ADGRL4: variants seen among roughly 807,000 people sequenced by gnomAD.
ADGRL4 encodes the protein EGF, latrophilin and seven transmembrane domain containing 1.
Under a neutral mutation model 74.8 loss-of-function variants are expected in ADGRL4, and 90 were observed. That is an observed-to-expected ratio of 1.20 (90% CI 1.02 to 1.43). ADGRL4 has a LOEUF of 1.43. ADGRL4 is among the 40% of genes most tolerant of loss of function. The pLI is 0.00. For missense variants in ADGRL4, 881 were observed against 814.3 expected, an observed-to-expected ratio of 1.08 and a Z score of -1.00; for synonymous variants, 311 against 279.2, an observed-to-expected ratio of 1.11 and a Z score of -1.14.
chr1:78,890,454 AT>A lies in ADGRL4; in HGVS notation c.*699del, dbSNP rs1168259205. On this transcript the variant is annotated 3_prime_UTR_variant, in exon 15 of 15. Transcript: ENST00000370742. Reference sequence around the variant, plus strand: ...TATCTCAGTCTAACCTTAGAAACAGATTTTTTTCACTTTTTTTTTTTCAATT... The same window carrying A: ...TATCTCAGTCTAACCTTAGAAACAGATTTTTTCACTTTTTTTTTTTCAATT... The A allele has an allele frequency of 2.0e-5, 3 of 146,402 alleles. No individual in the cohort carries two copies. The highest frequency in any genetic ancestry group is 6.8e-5 in the Admixed American group (1 of 14,766). 9.1% of individuals were successfully genotyped at this position (146,402 alleles called of 1,614,324 possible). A position where few individuals can be genotyped will look rare whatever the true frequency, so the allele number is the denominator to read the frequency against.
intron 12 of ADGRL4, 119 bp downstream of exon 12, chr1:78,917,514 TG>T: frequency 1.8e-6 from 1 of 563,694 alleles, no homozygotes. Context: ...TGCTGATAAG[TG>T]ATATACTGTA....
At chr1:79,004,090 T>C (rs1259123455) in intron 2 of ADGRL4, among the ~76,000 whole-genome samples, 1 of 152,108 alleles carries the variant, frequency 6.6e-6, no homozygotes, top group African/African-American at 2.4e-5. Flanking sequence ...AATCACAAGA[T>C]ACAACTTGTT....
intron 10 of ADGRL4, among the ~76,000 whole-genome samples, chr1:78,919,703 T>A (rs945523073): frequency 6.6e-6 from 1 of 151,904 alleles, no homozygotes; most frequent in Non-Finnish European, 1.5e-5. Flanking sequence ...CAATACAATA[T>A]GAAACCTTTT....
At chr1:78,954,379 A>T (rs930863240) in intron 2 of ADGRL4, among the ~76,000 whole-genome samples, 11 of 152,132 alleles carry the variant, frequency 7.2e-5, no homozygotes, top group African/African-American at 2.7e-4. Context: ...CAGGGAAAAA[A>T]GATAAAGTAA....
chr1:78,926,149 A>G (rs1377169282), intron 8 of ADGRL4, among the ~76,000 whole-genome samples: 3 of 152,086 alleles, frequency 2.0e-5, no homozygotes, highest in Non-Finnish European at 4.4e-5. Flanking sequence ...CTCCCATAAT[A>G]ATGCAAATAT....
intron 12 of ADGRL4, among the ~76,000 whole-genome samples, chr1:78,915,591 G>A (rs900815789): frequency 2.6e-5 from 4 of 151,806 alleles, no homozygotes; most frequent in South Asian, 2.1e-4. Flanking sequence ...GCCATCATCC[G>A]CTGAGCTCCC....
At position 78,891,190 on chromosome 1, in the gene ADGRL4, G is replaced by T; in HGVS notation, c.2037C>A (p.Phe679Leu). 1 of 1,610,344 alleles carries T rather than the reference G, an allele frequency of 6.2e-7. No homozygotes were observed. The highest frequency in any genetic ancestry group is 1.1e-5 in the South Asian group (1 of 90,592). Residue 679 changes from phenylalanine (F) to leucine (L), a missense_variant, in exon 15 of 15, where the codon TTC becomes TTA. Physicochemically the swap from Phe to Leu is conservative, Grantham distance 22. Coordinates refer to ENST00000370742, the MANE Select transcript of ADGRL4 (RefSeq NM_022159.4). ...RKIQEEYYRLFKNVPCCFGCL... is the reference protein window; with the variant it reads ...RKIQEEYYRLLKNVPCCFGCL... ...ATCCAAAACAACAGGGGACATTTTTGAACAATCTGTAATATTCTTCTTGAA... is the reference window on the plus strand; with the variant it reads ...ATCCAAAACAACAGGGGACATTTTTTAACAATCTGTAATATTCTTCTTGAA...
intron 2 of ADGRL4, among the ~76,000 whole-genome samples, chr1:78,980,049 A>G (rs1650367781): frequency 6.6e-6 from 1 of 151,960 alleles, no homozygotes; most frequent in African/African-American, 2.4e-5. Flanking sequence ...TAAAATTTAA[A>G]CAAAAGAAGA....
At chr1:78,975,900 C>G (rs1201106615) in intron 2 of ADGRL4, among the ~76,000 whole-genome samples, 1 of 151,598 alleles carries the variant, frequency 6.6e-6, no homozygotes. Context: ...GTAGCAGCAA[C>G]AAAAACAATC....
intron 2 of ADGRL4, among the ~76,000 whole-genome samples, chr1:78,969,189 T>C (rs1383674235): frequency 3.9e-5 from 6 of 152,236 alleles, no homozygotes; most frequent in African/African-American, 1.4e-4. Context: ...ATTTGGAAAC[T>C]ATCTGTGAGT....
At chr1:78,940,325 C>G (rs1217539473) in intron 3 of ADGRL4, among the ~76,000 whole-genome samples, 1 of 152,020 alleles carries the variant, frequency 6.6e-6, no homozygotes. Context: ...CAACTTATTA[C>G]TTTTGTTCAA....
intron 10 of ADGRL4, 113 bp from the exon 11 acceptor site, chr1:78,918,163 G>T (rs917817144): frequency 5.3e-6 from 4 of 760,584 alleles, no homozygotes; most frequent in Non-Finnish European, 6.4e-6. Context: ...TATAAAGTAT[G>T]CCACTTTATA....
intron 2 of ADGRL4, among the ~76,000 whole-genome samples, chr1:78,952,081 T>TAAAAAGA (rs930661780): frequency 2.0e-5 from 3 of 151,738 alleles, no homozygotes; most frequent in Admixed American, 6.6e-5. Context: ...TGGAGAAAAA[T>TAAAAAGA]AAAAAGAAAA....
At chr1:78,892,697 T>C (rs951757574) in intron 13 of ADGRL4, among the ~76,000 whole-genome samples, 4 of 152,044 alleles carry the variant, frequency 2.6e-5, no homozygotes, top group Admixed American at 1.3e-4. Context: ...ACAAATCATT[T>C]TCAAGGTTTC....
intron 2 of ADGRL4, among the ~76,000 whole-genome samples, chr1:78,964,876 T>C (rs1650022824): frequency 6.6e-6 from 1 of 152,214 alleles, no homozygotes; most frequent in Non-Finnish European, 1.5e-5. Flanking sequence ...TGTGATAGCA[T>C]TATTTTATTT....
chr1:78,905,442 C>T (rs1648615660), intron 12 of ADGRL4, among the ~76,000 whole-genome samples: 1 of 152,010 alleles, frequency 6.6e-6, no homozygotes, highest in South Asian at 2.1e-4. Flanking sequence ...TTACATTTCT[C>T]TAGTATACAG....
chr1:78,962,258 T>C lies in ADGRL4; in HGVS notation c.173-15832A>G, dbSNP rs189092067. On this transcript the variant is annotated intron_variant, in intron 2 of 14. Coordinates refer to ENST00000370742, the MANE Select transcript of ADGRL4 (RefSeq NM_022159.4). ...TGCAGTCTTTTGTCCTTCTCCTTAGTGATCACATACATTATTCTGTGTTCA... is the reference window on the plus strand; with the variant it reads ...TGCAGTCTTTTGTCCTTCTCCTTAGCGATCACATACATTATTCTGTGTTCA... 5.9e-5 allele frequency among the ~76,000 whole-genome samples: 9 copies of C among 152,294 alleles called. No individual in the cohort carries two copies. In the East Asian group the frequency reaches 1.7e-3, roughly 29 times the overall value.
Position 78,896,709 on chromosome 1 carries a change from C to T in ADGRL4, c.1750-3520G>A, listed in dbSNP as rs1171102925. 4.6e-5 allele frequency among the ~76,000 whole-genome samples: 7 copies of T among 152,132 alleles called. 1 individual carries two copies. Among genetic ancestry groups the T allele is most frequent in the Non-Finnish European group, 1.0e-4 (7 of 68,016 alleles). Reference sequence around the variant, plus strand: ...AATCTATCTCATAATAACAGTCAGACTGATCTCTTTAAAATGTAAGTCAGA... The same window carrying T: ...AATCTATCTCATAATAACAGTCAGATTGATCTCTTTAAAATGTAAGTCAGA... On this transcript the variant is annotated intron_variant, in intron 12 of 14. Transcript: ENST00000370742.
intron 2 of ADGRL4, among the ~76,000 whole-genome samples, chr1:78,965,019 T>C (rs1650026670): frequency 1.2e-4 from 1 of 8,028 alleles, no homozygotes; most frequent in South Asian, 0.015. Context: ...TGGCTGTAAA[T>C]AGTCTTAAAA....
Sources: gnomAD v4.1 joint callset for allele counts (sites outside exome capture counted in the v4.1 genomes callset) on GRCh38, gnomAD v4.1.1 for gene constraint, MANE v1.5 for transcripts, NCBI Gene and HGNC (gene_info 2026-07-23, HGNC 2026-07-21) for gene names.